Variants in DROSHA observed in about 807,000 individuals in gnomAD.
DROSHA encodes the protein ribonuclease 3.
In DROSHA, 56 loss-of-function variants were observed where a neutral mutation model predicts 181.9. The observed-to-expected ratio is 0.31, with a 90% CI of 0.25 to 0.38. DROSHA has a LOEUF of 0.38. Ranked by LOEUF, DROSHA falls within the 10% of genes least tolerant of loss-of-function variation. The pLI is 1.00. For synonymous variants in DROSHA, 524 were observed against 591.2 expected, an observed-to-expected ratio of 0.89 and a Z score of 1.65; for missense variants, 1,218 against 1,743.5, an observed-to-expected ratio of 0.70 and a Z score of 5.37.
chr5:31,493,860 G>C (rs943584835), intron 12 of DROSHA, among the ~76,000 whole-genome samples: 1 of 151,338 alleles, frequency 6.6e-6, no homozygotes, highest in African/African-American at 2.4e-5. Context: ...CTGAAAATTG[G>C]ATTTGTAACT....
At chr5:31,466,509 G>A (rs1749028128) in intron 18 of DROSHA, 1 of 435,712 alleles carries the variant, frequency 2.3e-6, no homozygotes, top group Non-Finnish European at 4.2e-6. Flanking sequence ...GCTTATTTCA[G>A]TTGGAAATGA....
At chr5:31,511,930 C>T (rs1053616825) in intron 8 of DROSHA, among the ~76,000 whole-genome samples, 8 of 147,012 alleles carry the variant, frequency 5.4e-5, no homozygotes, top group African/African-American at 1.0e-4. Context: ...CTCACACACA[C>T]GCACACACAC....
At chr5:31,412,866 C>T (rs1236380408) in intron 30 of DROSHA, among the ~76,000 whole-genome samples, 1 of 152,110 alleles carries the variant, frequency 6.6e-6, no homozygotes, top group Non-Finnish European at 1.5e-5. Context: ...GTTTGGATTT[C>T]ATATGGGGAC....
At chr5:31,424,764 C>A (rs1262032462) in intron 27 of DROSHA, among the ~76,000 whole-genome samples, 1 of 152,160 alleles carries the variant, frequency 6.6e-6, no homozygotes, top group East Asian at 1.9e-4. Flanking sequence ...TAATACACTG[C>A]ACTAAGCTGC....
At chr5:31,523,817 A>T (rs1240500546) in intron 5 of DROSHA, among the ~76,000 whole-genome samples, 1 of 151,978 alleles carries the variant, frequency 6.6e-6, no homozygotes, top group Non-Finnish European at 1.5e-5. Context: ...TCTACTAAAA[A>T]TACAAAAATT....
Position 31,515,221 on chromosome 5 carries a change from T to C in DROSHA, c.1059-2A>G. 1 of 1,606,980 alleles carries C rather than the reference T, an allele frequency of 6.2e-7. No homozygotes were observed. The highest frequency in any genetic ancestry group is 8.5e-7 in the Non-Finnish European group (1 of 1,178,266). ...TTCTTCTCCCTACTTGGGGAGCGAC[T>C]TCAAAAGAGGGCAAAGGAGGTTAAT... is the stretch of plus-strand genomic sequence containing the variant. On this transcript the variant is annotated splice_acceptor_variant, in intron 7 of 35. Coordinates refer to ENST00000344624, the MANE Select transcript of DROSHA (RefSeq NM_001382508.1). LOFTEE classifies it high-confidence loss of function.
rs200906186 is a variant in DROSHA at position 31,526,667 on chromosome 5, G to T, written c.266C>A (p.Ala89Glu). ...VPFPPPMPPS[A>E]QGPLPPCPIR... Reference sequence around the variant, plus strand: ...TGGGCAGGGGGGAAGAGGGCCTTGCGCTGACGGAGGCATGGGTGGGGGGAA... The same window carrying T: ...TGGGCAGGGGGGAAGAGGGCCTTGCTCTGACGGAGGCATGGGTGGGGGGAA... The change falls in exon 5 of 36, where the codon GCG becomes GAG. Residue 89 changes from alanine to glutamate, a missense_variant. Coordinates refer to ENST00000344624, the MANE Select transcript of DROSHA (RefSeq NM_001382508.1). 5.9e-6 allele frequency: 9 copies of T among 1,517,392 alleles called. No individual in the cohort carries two copies. The South Asian group carries it at 1.2e-4, about 20-fold the overall frequency. 94.0% of individuals were successfully genotyped at this position (1,517,392 alleles called of 1,614,324 possible).
At chr5:31,478,567 C>T (rs1472880670) in intron 16 of DROSHA, among the ~76,000 whole-genome samples, 1 of 152,108 alleles carries the variant, frequency 6.6e-6, no homozygotes, top group Non-Finnish European at 1.5e-5. Context: ...ACCCCTGTCT[C>T]TACTAAAAAT....
chr5:31,426,277 T>C (rs1231035337), intron 27 of DROSHA, among the ~76,000 whole-genome samples: 1 of 151,972 alleles, frequency 6.6e-6, no homozygotes, highest in Non-Finnish European at 1.5e-5. Flanking sequence ...GGAACCCCAG[T>C]GCTACCATTT....
At chr5:31,445,824 T>A (rs516979) in intron 23 of DROSHA, among the ~76,000 whole-genome samples, 122,702 of 152,134 alleles carry the variant, frequency 0.81, 49,933 homozygotes, top group African/African-American at 0.93. Flanking sequence ...AGCTAACATC[T>A]TCCTCAATAG....
At chr5:31,447,550 C>T (rs190432308) in intron 23 of DROSHA, among the ~76,000 whole-genome samples, 3 of 151,992 alleles carry the variant, frequency 2.0e-5, no homozygotes, top group Non-Finnish European at 2.9e-5. Context: ...CTGCAAAGGA[C>T]GTCATCAAGA....
chr5:31,505,226 T>A (rs1737782108), intron 10 of DROSHA, among the ~76,000 whole-genome samples: 1 of 152,314 alleles, frequency 6.6e-6, no homozygotes, highest in East Asian at 1.9e-4. Context: ...CTGGAACGGA[T>A]GAGTGCTAAG....
At chr5:31,460,814 C>A (rs1462527466) in intron 20 of DROSHA, among the ~76,000 whole-genome samples, 2 of 151,974 alleles carry the variant, frequency 1.3e-5, no homozygotes, top group African/African-American at 4.8e-5. Flanking sequence ...TGATATGCCA[C>A]CAGCTTATGT....
intron 28 of DROSHA, among the ~76,000 whole-genome samples, 157 bp downstream of exon 28, chr5:31,424,270 T>C (rs1225591517): frequency 6.6e-6 from 1 of 152,134 alleles, no homozygotes; most frequent in Non-Finnish European, 1.5e-5. Context: ...ATTCTCCTAT[T>C]GTTCCAAAGT....
intron 28 of DROSHA, chr5:31,423,175 G>A: frequency 7.3e-6 from 3 of 411,012 alleles, no homozygotes; most frequent in Non-Finnish European, 1.3e-5. Context: ...TCAAGGCCAA[G>A]TACTGTACAC....
chr5:31,529,734 CAA>C (rs70955715), intron 3 of DROSHA, among the ~76,000 whole-genome samples: 8 of 91,328 alleles, frequency 8.8e-5, no homozygotes, highest in Non-Finnish European at 1.4e-4. Context: ...AAAAAACAAA[CAA>C]AAAAAAAAAA....
At chr5:31,443,112 T>C (rs777399914) in intron 23 of DROSHA, among the ~76,000 whole-genome samples, 2 of 151,040 alleles carry the variant, frequency 1.3e-5, no homozygotes, top group East Asian at 2.0e-4. Context: ...CTCCACCTCC[T>C]GGGTTCAAGT....
In DROSHA at chr5:31,449,325, T is replaced by C. The variant is rs1424657857; in HGVS notation, c.2777A>G (p.Lys926Arg). ...GTGATGAACTTTTCTGTCTCCGTATTTGGGCTGCCGAATTCCACAGTTAGA... is the reference window on the plus strand; with the variant it reads ...GTGATGAACTTTTCTGTCTCCGTATCTGGGCTGCCGAATTCCACAGTTAGA... ...SLSNCGIRQP[K>R]YGDRKVHHMH... Residue 926 changes from lysine to arginine, a missense_variant, in exon 22 of 36, where the codon AAA becomes AGA. Transcript: ENST00000344624. The C allele has an allele frequency of 6.2e-7, 1 of 1,613,798 alleles. No individual in the cohort carries two copies. Among genetic ancestry groups the C allele is most frequent in the East Asian group, 2.2e-5 (1 of 44,878 alleles).
At position 31,521,169 on chromosome 5, in the gene DROSHA, G is replaced by A; in HGVS notation, c.901C>T (p.Pro301Ser). 6.2e-7 allele frequency: 1 copy of A among 1,613,640 alleles called. No individual in the cohort carries two copies. Among genetic ancestry groups the A allele is most frequent in the Non-Finnish European group, 8.5e-7 (1 of 1,179,662 alleles). Residue 301 changes from proline to serine, a missense_variant, in exon 6 of 36, where the codon CCA becomes TCA. Physicochemically the swap from Pro to Ser is moderately conservative, Grantham distance 74. Around this residue, in one of 8 missense-constraint regions of DROSHA, gnomAD observed 536 missense variants for 535.4 expected, o/e 1.00. Coordinates refer to ENST00000344624, the MANE Select transcript of DROSHA (RefSeq NM_001382508.1). The part of the protein sequence containing the change: ...RHRHRDNRRS[P>S]SLERSYKKEY... Reference sequence around the variant, plus strand: ...TTTTTGTAGGACCTTTCCAGAGATGGTGATCTTCGGTTGTCTCGATGCCTG... The same window carrying A: ...TTTTTGTAGGACCTTTCCAGAGATGATGATCTTCGGTTGTCTCGATGCCTG...
Sources: allele counts gnomAD v4.1 joint callset (sites outside exome capture counted in the v4.1 genomes callset), GRCh38; gene constraint gnomAD v4.1.1; regional missense constraint gnomAD v4.1.1; transcripts MANE v1.5; gene names NCBI Gene and HGNC (gene_info 2026-07-23, HGNC 2026-07-21).